Variants in SDCCAG8 observed in about 807,000 individuals in gnomAD.
SDCCAG8 encodes the protein serologically defined colon cancer antigen 8.
In SDCCAG8, 74 loss-of-function variants were observed where a neutral mutation model predicts 101.8. That is an observed-to-expected ratio of 0.73 (90% confidence interval 0.60 to 0.88). The LOEUF is 0.88. Among genes scored for constraint, SDCCAG8 ranks in the 40% least tolerant of loss-of-function variants. The pLI is 0.00. For synonymous variants in SDCCAG8, 281 were observed against 292.9 expected (o/e 0.96, Z 0.41); for missense variants, 787 against 822.6 (o/e 0.96, Z 0.53).
At chr1:243,316,608 C>CT in intron 8 of SDCCAG8, 147 bp from the exon 9 acceptor site, 1 of 937,054 alleles carries the variant, frequency 1.1e-6, no homozygotes, top group East Asian at 2.6e-5. Context: ...GACAGAGGGT[C>CT]TTTCTCTGGG....
intron 17 of SDCCAG8, among the ~76,000 whole-genome samples, chr1:243,490,405 T>C (rs1332323621): frequency 6.6e-6 from 1 of 152,238 alleles, no homozygotes; most frequent in African/African-American, 2.4e-5. Context: ...GCACGCTCCA[T>C]GGCAGGGCCC....
rs112213858 is a variant in SDCCAG8 at position 243,294,484 on chromosome 1, A to G, written c.675+1265A>G. On this transcript the variant is annotated intron_variant, in intron 6 of 17. Transcript: ENST00000366541. The stretch of plus-strand genomic sequence containing the variant: ...CTCCCCCCAAAAGGTGGGGGGGGGG[A>G]GAGAGAGAGAGAGAGAAAGAGCGAG... 8.1e-3 allele frequency among the ~76,000 whole-genome samples: 953 copies of G among 117,270 alleles called. 2 individuals are homozygous for G. The highest frequency in any genetic ancestry group is 0.021 in the East Asian group (75 of 3,532). The allele number at this position is 117,270 out of a possible 152,430, so 76.9% of individuals were successfully genotyped here.
chr1:243,342,190 C>G (rs2075415604), intron 11 of SDCCAG8, among the ~76,000 whole-genome samples: 1 of 152,064 alleles, frequency 6.6e-6, no homozygotes, highest in African/African-American at 2.4e-5. Context: ...AATACTTAAC[C>G]TAGATTTATA....
intron 12 of SDCCAG8, among the ~76,000 whole-genome samples, chr1:243,361,192 C>T (rs1292774797): frequency 6.6e-6 from 1 of 152,184 alleles, no homozygotes; most frequent in African/African-American, 2.4e-5. Flanking sequence ...CTCTTTTCTT[C>T]GCCGGGTTCT....
In SDCCAG8 at chr1:243,415,687, C is replaced by T; in HGVS notation, c.1617-15C>T. On this transcript the variant is annotated splice_polypyrimidine_tract_variant and intron_variant, in intron 13 of 17. Transcript: ENST00000366541. ...TGCAGATTAAATTTCTGTATGTCTC[C>T]TCTCTGTTTTGCAGACAGGAAAAAG... 1 of 1,613,680 alleles carries T rather than the reference C, an allele frequency of 6.2e-7. No homozygotes were observed. Among genetic ancestry groups the T allele is most frequent in the Non-Finnish European group, 8.5e-7 (1 of 1,179,700 alleles).
intron 5 of SDCCAG8, among the ~76,000 whole-genome samples, chr1:243,292,420 G>T (rs546472860): frequency 1.8e-4 from 27 of 152,296 alleles, no homozygotes; most frequent in African/African-American, 6.3e-4. Context: ...TTTAACGAAA[G>T]ATGCTCCTAT....
intron 9 of SDCCAG8, chr1:243,318,139 T>C: frequency 2.2e-6 from 1 of 453,014 alleles, no homozygotes; most frequent in Non-Finnish European, 4.4e-6. Context: ...ATAAAGAAAA[T>C]GTGGAACATG....
At chr1:243,290,205 G>A (rs918049450) in intron 5 of SDCCAG8, among the ~76,000 whole-genome samples, 42 of 114,210 alleles carry the variant, frequency 3.7e-4, no homozygotes, top group African/African-American at 1.3e-3. Context: ...CACCGCTCCC[G>A]CCCCCCGATC....
At chr1:243,413,495 C>T (rs967459165) in intron 13 of SDCCAG8, among the ~76,000 whole-genome samples, 4 of 152,118 alleles carry the variant, frequency 2.6e-5, no homozygotes, top group African/African-American at 7.2e-5. Flanking sequence ...TGTGAGCCAC[C>T]GTGCCTGACC....
intron 10 of SDCCAG8, chr1:243,338,829 G>C (rs1361428213): frequency 6.6e-6 from 1 of 152,382 alleles, no homozygotes; most frequent in Admixed American, 6.5e-5. Flanking sequence ...GGACTCACCT[G>C]ATGTCAACGT....
chr1:243,398,918 G>A (rs1323854534), intron 13 of SDCCAG8, among the ~76,000 whole-genome samples: 1 of 152,202 alleles, frequency 6.6e-6, no homozygotes, highest in East Asian at 1.9e-4. Context: ...CAGGTATTCA[G>A]TCAACATTTA....
At chr1:243,497,340 G>GGC (rs1290875062) in intron 17 of SDCCAG8, among the ~76,000 whole-genome samples, 3 of 141,238 alleles carry the variant, frequency 2.1e-5, no homozygotes, top group African/African-American at 5.0e-5. Flanking sequence ...GCACGGGTGG[G>GGC]GGGGGGGGCG....
chr1:243,480,081 T>A (rs141317385), intron 16 of SDCCAG8, among the ~76,000 whole-genome samples: 1 of 151,206 alleles, frequency 6.6e-6, no homozygotes, highest in African/African-American at 2.4e-5. Context: ...TCAGCACTCA[T>A]AGGATTAGGA....
rs750898081 is a variant in SDCCAG8, at chr1:243,418,082, T to A, written c.1853+6T>A. ...CAAATCTCTCAAAAAACCAGGTAGG[T>A]GATGTTATAGAATACTTTCAAGAGC... On this transcript the variant is annotated splice_donor_region_variant and intron_variant, in intron 15 of 17. Coordinates refer to ENST00000366541, the MANE Select transcript of SDCCAG8 (RefSeq NM_006642.5). The A allele has an allele frequency of 1.3e-6, 2 of 1,584,642 alleles. No individual in the cohort carries two copies. Among genetic ancestry groups the A allele is most frequent in the Non-Finnish European group, 1.7e-6 (2 of 1,153,788 alleles).
chr1:243,403,507 C>T (rs1452795439), intron 13 of SDCCAG8, among the ~76,000 whole-genome samples: 1 of 152,002 alleles, frequency 6.6e-6, no homozygotes, highest in Non-Finnish European at 1.5e-5. Flanking sequence ...TCCTCATAGT[C>T]CTATGAGGAG....
intron 1 of SDCCAG8, among the ~76,000 whole-genome samples, chr1:243,261,763 A>C (rs1294971621): frequency 6.6e-6 from 1 of 152,214 alleles, no homozygotes; most frequent in Non-Finnish European, 1.5e-5. Context: ...CTATATAGGA[A>C]TATACACACA....
chr1:243,388,116 G>A (rs2078434973), intron 13 of SDCCAG8, among the ~76,000 whole-genome samples: 1 of 152,124 alleles, frequency 6.6e-6, no homozygotes, highest in South Asian at 2.1e-4. Context: ...AGGAGAAATT[G>A]ATAAATTTTT....
intron 13 of SDCCAG8, among the ~76,000 whole-genome samples, chr1:243,412,949 C>T (rs2080287112): frequency 6.6e-6 from 1 of 151,796 alleles, no homozygotes; most frequent in African/African-American, 2.4e-5. Flanking sequence ...CAAGTCAGAA[C>T]CTGCAAGAGA....
chr1:243,400,221 G>A (rs2079291921), intron 13 of SDCCAG8, among the ~76,000 whole-genome samples: 1 of 152,160 alleles, frequency 6.6e-6, no homozygotes, highest in South Asian at 2.1e-4. Context: ...TCTTAGAAAG[G>A]AATTTAGTTT....
Sources: allele counts gnomAD v4.1 joint callset (sites outside exome capture counted in the v4.1 genomes callset), GRCh38; gene constraint gnomAD v4.1.1; transcripts MANE v1.5; gene names NCBI Gene and HGNC (gene_info 2026-07-23, HGNC 2026-07-21).